The following CLK3 variants were observed in gnomAD, a reference collection of about 807,000 sequenced individuals.
CLK3 encodes CDC like kinase 3.
Under a neutral mutation model 65.2 loss-of-function variants are expected in CLK3, and 24 were observed. That is an observed-to-expected ratio of 0.37 (90% CI 0.27 to 0.52). The LOEUF (loss-of-function observed/expected upper bound fraction) is 0.52. CLK3 is among the 20% of genes least tolerant of loss of function. The pLI, the probability that CLK3 is intolerant of heterozygous loss-of-function variation, is 0.92. For missense variants in CLK3, 506 were observed against 660.0 expected (o/e 0.77, Z 2.56); for synonymous variants, 252 against 240.8 (o/e 1.05, Z -0.43).
chr15:74,628,601 C>A lies in CLK3; in HGVS notation c.1126-3C>A. ...CCCTTGCACTGTCCCTAATCTTCCA[C>A]AGACCCACGAAAACCGAGAGCACCT... On this transcript the variant is annotated splice_polypyrimidine_tract_variant and splice_region_variant and intron_variant, in intron 10 of 12. Coordinates refer to ENST00000395066, the MANE Select transcript of CLK3 (RefSeq NM_001130028.2). 1 of 1,612,302 alleles carries A rather than the reference C, an allele frequency of 6.2e-7. No individual in the cohort carries two copies. The highest frequency in any genetic ancestry group is 8.5e-7 in the Non-Finnish European group (1 of 1,178,834).
At chr15:74,626,599 C>T (rs868808301) in intron 7 of CLK3, among the ~76,000 whole-genome samples, 1 of 152,344 alleles carries the variant, frequency 6.6e-6, no homozygotes, top group South Asian at 2.1e-4. Flanking sequence ...TTCCTCCTCC[C>T]ACAGGATCTG....
In CLK3 at chr15:74,621,791, G is replaced by C; in HGVS notation, c.370-329G>C. 1 of 375,422 alleles carries C rather than the reference G, an allele frequency of 2.7e-6. No individual in the cohort carries two copies. Among genetic ancestry groups the C allele is most frequent in the South Asian group, 2.0e-5 (1 of 48,876 alleles). The allele number at this position is 375,422 out of a possible 1,614,324, so 23.3% of individuals were successfully genotyped here. A position where few individuals can be genotyped will look rare whatever the true frequency, so the allele number is the denominator to read the frequency against. On this transcript the variant is annotated intron_variant, in intron 3 of 12. Coordinates refer to ENST00000395066, the MANE Select transcript of CLK3 (RefSeq NM_001130028.2). The surrounding 1 kb of genome is among the most constrained non-coding windows in gnomAD (Gnocchi z 4.8). ...TCGGGGCGATGGCTCTCCTCACAGC[G>C]TGGCCCTCAGCAGCAGAGGCAGGTC...
Position 74,628,696 on chromosome 15 carries a change from G to A in CLK3, c.1205+13G>A, listed in dbSNP as rs8036155. The A allele has an allele frequency of 6.2e-6, 10 of 1,605,656 alleles. No individual in the cohort carries two copies. The highest frequency in any genetic ancestry group is 7.7e-6 in the Non-Finnish European group (9 of 1,175,416). On this transcript the variant is annotated intron_variant, in intron 11 of 12. Transcript: ENST00000395066. ...TCCACCGTACCAGGTAAGGACCCCA[G>A]TAGCCCCCTCAGGGTTGGTATAGAG...
chr15:74,625,988 A>G lies in CLK3; in HGVS notation c.817+20A>G, dbSNP rs528161148. 65 of 1,612,650 alleles carry G rather than the reference A, an allele frequency of 4.0e-5. No individual in the cohort carries two copies. The highest frequency in any genetic ancestry group is 5.1e-5 in the Non-Finnish European group (60 of 1,178,908). ...TTAGATGTAAGTGTCCACCCTCAAAAGAAGCATGGGCAGCCACATGCCTGC... is the reference window on the plus strand; with the variant it reads ...TTAGATGTAAGTGTCCACCCTCAAAGGAAGCATGGGCAGCCACATGCCTGC... On this transcript the variant is annotated intron_variant, in intron 7 of 12. Transcript: ENST00000395066.
At chr15:74,620,490 C>T (rs1296984419) in intron 3 of CLK3, 3 of 573,206 alleles carry the variant, frequency 5.2e-6, no homozygotes, top group Non-Finnish European at 6.2e-6. Context: ...TATGTCTACA[C>T]AGTGCTCCAG....
At chr15:74,619,801 A>C (rs575912192) in intron 2 of CLK3, among the ~76,000 whole-genome samples, 2 of 152,054 alleles carry the variant, frequency 1.3e-5, no homozygotes, top group African/African-American at 4.8e-5. Flanking sequence ...CCCTCCTCCT[A>C]CAGCTGGAGG....
In CLK3 at chr15:74,621,645, T is replaced by A; in HGVS notation, c.370-475T>A. On this transcript the variant is annotated intron_variant, in intron 3 of 12. Transcript: ENST00000395066. The surrounding 1 kb of genome is among the most constrained non-coding windows in gnomAD (Gnocchi z 4.8). ...AGCAGCCGCTGACCAGTCTGGATGG[T>A]TGGACCCAGGCGGGGCCAGCTGCCT... 6.6e-6 allele frequency: 2 copies of A among 304,818 alleles called. No individual in the cohort carries two copies. Among genetic ancestry groups the A allele is most frequent in the Non-Finnish European group, 1.3e-5 (2 of 153,620 alleles). 18.9% of individuals were successfully genotyped at this position (304,818 alleles called of 1,614,324 possible). A position where few individuals can be genotyped will look rare whatever the true frequency, so the allele number is the denominator to read the frequency against.
intron 7 of CLK3, among the ~76,000 whole-genome samples, chr15:74,626,550 T>A (rs908369727): frequency 6.6e-6 from 1 of 152,206 alleles, no homozygotes; most frequent in Non-Finnish European, 1.5e-5. Context: ...TGCAGGCCAC[T>A]GGGGTGGGAA....
At chr15:74,626,106 G>A (rs558148279) in intron 7 of CLK3, 138 bp downstream of exon 7, 159 of 991,908 alleles carry the variant, frequency 1.6e-4, no homozygotes, top group Non-Finnish European at 9.1e-5. Context: ...CCCCTTTGGC[G>A]GAAAGGCCTG....
At position 74,624,825 on chromosome 15, in the gene CLK3, T is replaced by A. The variant is rs1271686522; in HGVS notation, c.534-77T>A. The A allele has an allele frequency of 9.6e-7, 1 of 1,042,202 alleles. No homozygotes were observed. Among genetic ancestry groups the A allele is most frequent in the Admixed American group, 2.0e-5 (1 of 50,940 alleles). 64.6% of individuals were successfully genotyped at this position (1,042,202 alleles called of 1,614,324 possible). ...TCCTGGAGTGGTGTTTGTTGGGAGTTGCTGGGTTGGGGTGGAGGGTTGGGG... is the reference window on the plus strand; with the variant it reads ...TCCTGGAGTGGTGTTTGTTGGGAGTAGCTGGGTTGGGGTGGAGGGTTGGGG... On this transcript the variant is annotated intron_variant, in intron 5 of 12. Transcript: ENST00000395066. This position sits in a 1 kb window ranked among gnomAD's most constrained non-coding sequence, Gnocchi z 4.2.
In CLK3 at chr15:74,629,869, A is replaced by C; in HGVS notation, c.1459A>C (p.Asn487His). The stretch of plus-strand genomic sequence containing the variant: ...GGAGCGGTCCTTCCACACCAGCCGC[A>C]ACCCAAGCAGATGACAGGCACAGGC... The part of the protein sequence containing the change: ...PEERSFHTSR[N>H]PSR Residue 487 changes from asparagine (N) to histidine (H), a missense_variant, in exon 13 of 13, where the codon AAC (asparagine) becomes CAC (histidine). Asn to His is a moderately conservative substitution (Grantham distance 68). Coordinates refer to ENST00000395066, the MANE Select transcript of CLK3 (RefSeq NM_001130028.2). 1.2e-6 allele frequency: 2 copies of C among 1,609,490 alleles called. No homozygotes were observed. The highest frequency in any genetic ancestry group is 1.7e-6 in the Non-Finnish European group (2 of 1,178,062).
rs1596287088 is a variant in CLK3, at chr15:74,619,871, C to T, written c.153-138C>T. On this transcript the variant is annotated intron_variant, in intron 2 of 12. Coordinates refer to ENST00000395066, the MANE Select transcript of CLK3 (RefSeq NM_001130028.2). The stretch of plus-strand genomic sequence containing the variant: ...TTAGTACCTTTGCACCCTCCCCTCT[C>T]TGCCCACTTCCCACCAGTGTGGATG... 11 of 1,415,578 alleles carry T rather than the reference C, an allele frequency of 7.8e-6. No homozygotes were observed. In the East Asian group the frequency reaches 2.7e-4, roughly 35 times the overall value. The allele number at this position is 1,415,578 out of a possible 1,614,324, so 87.7% of individuals were successfully genotyped here.
intron 3 of CLK3, chr15:74,620,453 C>G (rs1567142915): frequency 1.6e-6 from 1 of 640,924 alleles, no homozygotes; most frequent in African/African-American, 1.8e-5. Flanking sequence ...AACTCTGGCT[C>G]CGATGCTGGC....
At position 74,627,886 on chromosome 15, in the gene CLK3, C is replaced by T; in HGVS notation, c.1043-84C>T. 1.6e-6 allele frequency: 2 copies of T among 1,257,932 alleles called. No homozygotes were observed. The highest frequency in any genetic ancestry group is 1.5e-5 in the African/African-American group (1 of 67,960). The allele number at this position is 1,257,932 out of a possible 1,614,324, so 77.9% of individuals were successfully genotyped here. A position where few individuals can be genotyped will look rare whatever the true frequency, so the allele number is the denominator to read the frequency against. On this transcript the variant is annotated intron_variant, in intron 9 of 12. Transcript: ENST00000395066. This position sits in a 1 kb window ranked among gnomAD's most constrained non-coding sequence, Gnocchi z 4.3. ...ACTGGGATTTGGGCAAGAGTCCTGC[C>T]AGCCGGTGTGGTGGCTGCCTTGTGA... is the stretch of plus-strand genomic sequence containing the variant.
In CLK3 at chr15:74,627,416, T is replaced by C. The variant is rs2062151777; in HGVS notation, c.882T>C (p.Ser294=). ...CAGAGAACATCCTGTTTGTGAATTC[T>C]GAGTTTGAAACCCTCTACAATGAGC... ...LKPENILFVN[S]EFETLYNEHK... Residue 294 remains serine, a synonymous_variant, in exon 8 of 13, where the codon TCT becomes TCC. Transcript: ENST00000395066. The surrounding 1 kb of genome is among the most constrained non-coding windows in gnomAD (Gnocchi z 4.3). 1.2e-6 allele frequency: 2 copies of C among 1,614,094 alleles called. No individual in the cohort carries two copies. The highest frequency in any genetic ancestry group is 1.1e-5 in the South Asian group (1 of 91,090).
chr15:74,620,323 T>C, intron 3 of CLK3, 98 bp downstream of exon 3: 1 of 1,516,556 alleles, frequency 6.6e-7, no homozygotes, highest in South Asian at 1.2e-5. Context: ...CTGCCAGCCC[T>C]GTGCACGTGC....
chr15:74,625,694 G>T, intron 6 of CLK3, 108 bp from the exon 7 acceptor site: 1 of 1,139,258 alleles, frequency 8.8e-7, no homozygotes, highest in Non-Finnish European at 1.3e-6. Context: ...GCATTCTGGT[G>T]TGTGACCCGG....
intron 1 of CLK3, among the ~76,000 whole-genome samples, chr15:74,617,898 G>A (rs1205527513): frequency 6.6e-6 from 1 of 152,224 alleles, no homozygotes; most frequent in Non-Finnish European, 1.5e-5. Context: ...CTAAGCTTTT[G>A]GGGAGGTGAT....
Position 74,627,739 on chromosome 15 carries a change from G to A in CLK3, c.1042+71G>A. 6.3e-7 allele frequency: 1 copy of A among 1,585,126 alleles called. No individual in the cohort carries two copies. On this transcript the variant is annotated intron_variant, in intron 9 of 12. Coordinates refer to ENST00000395066, the MANE Select transcript of CLK3 (RefSeq NM_001130028.2). The surrounding 1 kb of genome is among the most constrained non-coding windows in gnomAD (Gnocchi z 4.3). Reference sequence around the variant, plus strand: ...TGGGAGGGTATGAGCAGAGGCAGTGGCATGCCTGTCATTCTCTGCCACCCA... The same window carrying A: ...TGGGAGGGTATGAGCAGAGGCAGTGACATGCCTGTCATTCTCTGCCACCCA...
Sources: allele counts gnomAD v4.1 joint callset (sites outside exome capture counted in the v4.1 genomes callset), GRCh38; gene constraint gnomAD v4.1.1; non-coding constraint Gnocchi (gnomAD v3.1); transcripts MANE v1.5; gene names NCBI Gene and HGNC (gene_info 2026-07-23, HGNC 2026-07-21).